TADA2A: variants seen among roughly 807,000 people sequenced by gnomAD.
TADA2A encodes transcriptional adapter 2-alpha.
In TADA2A, 38 loss-of-function variants were observed where a neutral mutation model predicts 67.4. The ratio of observed to expected loss-of-function variants is 0.56; its 90% CI spans 0.44 to 0.74. The LOEUF (loss-of-function observed/expected upper bound fraction) is 0.74. Ranked by LOEUF, TADA2A falls within the 30% of genes least tolerant of loss-of-function variation. The pLI, the probability that TADA2A is intolerant of heterozygous loss-of-function variation, is 0.00. For synonymous variants in TADA2A, 192 were observed against 181.6 expected (o/e 1.06, Z -0.46); for missense variants, 454 against 547.0 (o/e 0.83, Z 1.70).
At chr17:37,431,012 G>A (rs2052551152) in intron 4 of TADA2A, among the ~76,000 whole-genome samples, 1 of 151,976 alleles carries the variant, frequency 6.6e-6, no homozygotes, top group Admixed American at 6.6e-5. Flanking sequence ...AGATGAAAAT[G>A]TGTTGCTTAT....
At chr17:37,408,669 G>A (rs910660342) in intron 1 of TADA2A, 3 of 152,188 alleles carry the variant, frequency 2.0e-5, no homozygotes, top group Non-Finnish European at 2.9e-5. Context: ...GTGGGAGTGA[G>A]GATTCAAAGA....
Position 37,477,997 on chromosome 17 carries a change from A to G in TADA2A, c.*1015A>G, listed in dbSNP as rs2053924084. ...GCTGAGTGTGGTGGCACACGCCTGTAATCCCAGCTACTCAGGAGGCTGAGG... is the reference window on the plus strand; with the variant it reads ...GCTGAGTGTGGTGGCACACGCCTGTGATCCCAGCTACTCAGGAGGCTGAGG... On this transcript the variant is annotated 3_prime_UTR_variant, in exon 16 of 16. Coordinates refer to ENST00000615182, the MANE Select transcript of TADA2A (RefSeq NM_001166105.3). 6.6e-6 allele frequency: 1 copy of G among 151,792 alleles called. No individual in the cohort carries two copies. The highest frequency in any genetic ancestry group is 1.5e-5 in the Non-Finnish European group (1 of 67,986). 9.4% of individuals were successfully genotyped at this position (151,792 alleles called of 1,614,324 possible).
chr17:37,436,238 ATATT>A (rs1238702039), intron 4 of TADA2A: 3 of 152,192 alleles, frequency 2.0e-5, no homozygotes, highest in Non-Finnish European at 4.4e-5. Flanking sequence ...CTACTTAGAG[ATATT>A]TAGTCAAATT....
At chr17:37,465,729 TG>T in intron 11 of TADA2A, 188 bp downstream of exon 11, 1 of 945,220 alleles carries the variant, frequency 1.1e-6, no homozygotes, top group Admixed American at 2.9e-5. Context: ...AAAGCCCTAA[TG>T]ACTTCCCCCA....
intron 10 of TADA2A, among the ~76,000 whole-genome samples, chr17:37,464,483 A>C (rs962558789): frequency 2.0e-5 from 3 of 152,198 alleles, no homozygotes; most frequent in African/African-American, 7.2e-5. Context: ...CTAAGAATGT[A>C]AGATCTGCCT....
chr17:37,438,262 T>C lies in TADA2A; in HGVS notation c.284+433T>C, dbSNP rs3815073. Among the ~76,000 whole-genome samples the C allele has an allele frequency of 6.6e-3, 1,009 of 152,264 alleles. 32 individuals carry two copies. The East Asian group carries it at 0.078, about 12-fold the overall frequency. ...ACAGACTTCCTGATAGCATTCTCTG[T>C]TTTTAGCTTTCAAACACCTACCTGC... On this transcript the variant is annotated intron_variant, in intron 5 of 15. Coordinates refer to ENST00000615182, the MANE Select transcript of TADA2A (RefSeq NM_001166105.3).
At chr17:37,470,773 A>C (rs2053769871) in intron 13 of TADA2A, among the ~76,000 whole-genome samples, 1 of 152,088 alleles carries the variant, frequency 6.6e-6, no homozygotes, top group Admixed American at 6.6e-5. Flanking sequence ...ATTTTCCCCC[A>C]GCCTTCTACC....
chr17:37,458,079 C>A (rs1597922780), intron 8 of TADA2A, among the ~76,000 whole-genome samples: 2 of 152,176 alleles, frequency 1.3e-5, no homozygotes, highest in Admixed American at 1.3e-4. Context: ...CCTCCTCCCA[C>A]CCTCCACCCT....
At chr17:37,422,595 C>T (rs190389913) in intron 2 of TADA2A, among the ~76,000 whole-genome samples, 7 of 151,908 alleles carry the variant, frequency 4.6e-5, no homozygotes, top group Admixed American at 2.0e-4. Context: ...CAACCTTTGC[C>T]TTCCGGGTTC....
At chr17:37,443,066 A>G (rs773945461) in intron 7 of TADA2A, among the ~76,000 whole-genome samples, 3 of 151,870 alleles carry the variant, frequency 2.0e-5, no homozygotes, top group Admixed American at 6.6e-5. Flanking sequence ...GCAGGCTGAT[A>G]TGGGAGGATC....
At chr17:37,448,819 G>T (rs2053153950) in intron 8 of TADA2A, among the ~76,000 whole-genome samples, 1 of 152,148 alleles carries the variant, frequency 6.6e-6, no homozygotes, top group Non-Finnish European at 1.5e-5. Flanking sequence ...CTCTGTTCTG[G>T]AAAGGTAATT....
chr17:37,418,624 T>C (rs1178811871), intron 2 of TADA2A, among the ~76,000 whole-genome samples: 1 of 151,746 alleles, frequency 6.6e-6, no homozygotes, highest in East Asian at 1.9e-4. Context: ...GGAGTTTCGC[T>C]GTTGTCACCC....
At chr17:37,476,741 A>G in intron 15 of TADA2A, 56 bp from the exon 16 acceptor site, 1 of 1,564,326 alleles carries the variant, frequency 6.4e-7, no homozygotes, top group Non-Finnish European at 8.7e-7. Context: ...TACCTGCTGG[A>G]TTAAATTACA....
chr17:37,424,578 G>A (rs1336654581), intron 3 of TADA2A, among the ~76,000 whole-genome samples: 3 of 151,912 alleles, frequency 2.0e-5, no homozygotes, highest in Non-Finnish European at 4.4e-5. Context: ...TTGTTGAGAC[G>A]GGAGTTTCGC....
chr17:37,409,235 G>A lies in TADA2A; in HGVS notation c.-97-2034G>A, dbSNP rs142693558. ...CGAGTAGCTGGGATTATAGGCGCCCGCCACCACGCCAAGCAAATTTTTTTG... is the reference window on the plus strand; with the variant it reads ...CGAGTAGCTGGGATTATAGGCGCCCACCACCACGCCAAGCAAATTTTTTTG... On this transcript the variant is annotated intron_variant, in intron 1 of 15. Transcript: ENST00000615182. Among the ~76,000 whole-genome samples, 208 of 151,948 alleles carry A rather than the reference G, an allele frequency of 1.4e-3. 8 individuals are homozygous for A. The East Asian group carries it at 0.038, about 28-fold the overall frequency.
In TADA2A at chr17:37,442,455, T is replaced by C. The variant is rs1425570473; in HGVS notation, c.443-109T>C. 1.7e-5 allele frequency: 14 copies of C among 838,692 alleles called. No homozygotes were observed. In the East Asian group the frequency reaches 3.5e-4, roughly 21 times the overall value. 52.0% of individuals were successfully genotyped at this position (838,692 alleles called of 1,614,324 possible). A position where few individuals can be genotyped will look rare whatever the true frequency, so the allele number is the denominator to read the frequency against. ...TCATAATACTTTATCTTTTTCACAT[T>C]TCCTTTTATAAAAACCATTTTAAAT... On this transcript the variant is annotated intron_variant, in intron 6 of 15. Coordinates refer to ENST00000615182, the MANE Select transcript of TADA2A (RefSeq NM_001166105.3).
intron 4 of TADA2A, among the ~76,000 whole-genome samples, chr17:37,436,056 A>G (rs577961949): frequency 3.9e-5 from 6 of 152,096 alleles, no homozygotes; most frequent in South Asian, 4.2e-4. Flanking sequence ...TCTTACAGCT[A>G]TATCTTTTTT....
chr17:37,411,554 C>G (rs926942454), intron 2 of TADA2A, among the ~76,000 whole-genome samples, 164 bp downstream of exon 2: 47 of 152,084 alleles, frequency 3.1e-4, no homozygotes, highest in Admixed American at 1.3e-4. Flanking sequence ...GCCTGAGTAG[C>G]TAGGACTACA....
chr17:37,407,577 CTTGTG>C (rs1365967117), intron 1 of TADA2A: 1 of 151,730 alleles, frequency 6.6e-6, no homozygotes, highest in African/African-American at 2.4e-5. Context: ...AATGTGGTCT[CTTGTG>C]AAAGGGGGAG....
Sources: gnomAD v4.1 joint callset for allele counts (sites outside exome capture counted in the v4.1 genomes callset) on GRCh38, gnomAD v4.1.1 for gene constraint, MANE v1.5 for transcripts, NCBI Gene and HGNC (gene_info 2026-07-23, HGNC 2026-07-21) for gene names.